UCHL5: variants seen among roughly 807,000 people sequenced by gnomAD.
The protein encoded by UCHL5 is ubiquitin carboxyl-terminal hydrolase isozyme L5.
Under a neutral mutation model 53.8 loss-of-function variants are expected in UCHL5, and 34 were observed. The observed-to-expected ratio is 0.63, with a 90% confidence interval of 0.48 to 0.84. UCHL5 has a LOEUF of 0.84. UCHL5 is among the 40% of genes least tolerant of loss of function. The probability of loss-of-function intolerance (pLI) is 0.00; values close to 1 mark genes in which losing one functional copy is unlikely to be tolerated. For synonymous variants in UCHL5, 111 were observed against 126.3 expected, an observed-to-expected ratio of 0.88 and a Z score of 0.81; for missense variants, 290 against 385.6, an observed-to-expected ratio of 0.75 and a Z score of 2.08.
At chr1:193,043,297 A>T (rs1472152745) in intron 3 of UCHL5, among the ~76,000 whole-genome samples, 1 of 151,860 alleles carries the variant, frequency 6.6e-6, no homozygotes, top group Non-Finnish European at 1.5e-5. Flanking sequence ...TGCTCTGCAC[A>T]GTTCAGCTAC....
intron 8 of UCHL5, among the ~76,000 whole-genome samples, chr1:193,023,586 C>T (rs1657974693): frequency 6.6e-6 from 1 of 152,136 alleles, no homozygotes; most frequent in South Asian, 2.1e-4. Context: ...ACTTCATTTA[C>T]TCCTCATGAC....
Position 193,028,462 on chromosome 1 carries a change from A to C in UCHL5, c.566-314T>G, listed in dbSNP as rs190604910. On this transcript the variant is annotated intron_variant, in intron 6 of 10. Coordinates refer to ENST00000367454, the MANE Select transcript of UCHL5 (RefSeq NM_001199261.3). Reference sequence around the variant, plus strand: ...TAATTTTTTTAAAATCTAAAAGTATAAAGTTTTATGAATAGCCTATAACAT... The same window carrying C: ...TAATTTTTTTAAAATCTAAAAGTATCAAGTTTTATGAATAGCCTATAACAT... 1.6e-4 allele frequency among the ~76,000 whole-genome samples: 24 copies of C among 152,302 alleles called. No homozygotes were observed. The East Asian group carries it at 4.0e-3, about 26-fold the overall frequency.
intron 3 of UCHL5, among the ~76,000 whole-genome samples, chr1:193,038,854 C>G (rs892288483): frequency 1.3e-5 from 2 of 150,560 alleles, no homozygotes; most frequent in Admixed American, 1.3e-4. Flanking sequence ...AAATTAGCCA[C>G]CTGTGCTAGT....
intron 3 of UCHL5, among the ~76,000 whole-genome samples, chr1:193,031,973 G>C (rs1422727735): frequency 6.6e-6 from 1 of 152,164 alleles, no homozygotes; most frequent in Non-Finnish European, 1.5e-5. Flanking sequence ...AATGAGGCTA[G>C]AGCAGAGGGT....
intron 3 of UCHL5, among the ~76,000 whole-genome samples, chr1:193,032,151 C>G (rs1661673760): frequency 6.6e-6 from 1 of 151,996 alleles, no homozygotes; most frequent in South Asian, 2.1e-4. Flanking sequence ...TTTGTAATCC[C>G]CAGACTAGAG....
At chr1:193,039,296 G>C (rs373204792) in intron 3 of UCHL5, among the ~76,000 whole-genome samples, 16 of 152,190 alleles carry the variant, frequency 1.1e-4, no homozygotes, top group African/African-American at 3.9e-4. Context: ...TGTAATCCCA[G>C]CTACTCAGGA....
At chr1:193,060,032 G>A (rs757291752), upstream of UCHL5, 1 of 1,348,084 alleles carries the variant, frequency 7.4e-7, no homozygotes, top group Admixed American at 1.9e-5. Context: ...AGCCGGGACC[G>A]CTCCTGCTTG....
chr1:193,022,661 G>A (rs1374685972), intron 9 of UCHL5, among the ~76,000 whole-genome samples: 4 of 118,572 alleles, frequency 3.4e-5, no homozygotes, highest in Non-Finnish European at 6.7e-5. Context: ...GCGAGACTCT[G>A]TCCAAAAAAA....
intron 2 of UCHL5, among the ~76,000 whole-genome samples, chr1:193,050,410 C>T (rs1257695763): frequency 6.6e-6 from 1 of 152,106 alleles, no homozygotes; most frequent in African/African-American, 2.4e-5. Flanking sequence ...CTATCTATCA[C>T]AACTGCCTCC....
At chr1:193,020,212 A>G in intron 10 of UCHL5, 1 of 1,398,380 alleles carries the variant, frequency 7.2e-7, no homozygotes, top group Non-Finnish European at 9.4e-7. Context: ...ATTAGCTCAC[A>G]TCTCATATTA....
At position 193,059,032 on chromosome 1, in the gene UCHL5, G is replaced by A. The variant is rs543589647; in HGVS notation, c.76+153C>T. On this transcript the variant is annotated intron_variant, in intron 1 of 10. Transcript: ENST00000367454. This position sits in a 1 kb window ranked among gnomAD's most constrained non-coding sequence, Gnocchi z 4.9. ...ACGCGACTGTCTCGAGCTGAGGAGA[G>A]GGCAGAACATCTACATTTCCCCCAC... 1.2e-3 allele frequency among the ~76,000 whole-genome samples: 185 copies of A among 152,318 alleles called. No individual in the cohort carries two copies. The highest frequency in any genetic ancestry group is 4.2e-3 in the African/African-American group (176 of 41,586).
chr1:193,041,769 T>C (rs1187951572), intron 3 of UCHL5, among the ~76,000 whole-genome samples: 1 of 152,134 alleles, frequency 6.6e-6, no homozygotes, highest in African/African-American at 2.4e-5. Context: ...TCATATAGCA[T>C]GCAAAATAAA....
chr1:193,041,163 A>G (rs2102675740), intron 3 of UCHL5, among the ~76,000 whole-genome samples: 1 of 152,344 alleles, frequency 6.6e-6, no homozygotes, highest in Admixed American at 6.5e-5. Context: ...TAGCATAAAG[A>G]CAAATATTTA....
At chr1:193,018,654 G>C in intron 10 of UCHL5, 1 of 1,261,068 alleles carries the variant, frequency 7.9e-7, no homozygotes. Context: ...AAAGATTTTA[G>C]GTCAAATACT....
At chr1:193,021,218 C>T in intron 9 of UCHL5, 23 bp from the exon 10 acceptor site, 1 of 1,434,758 alleles carries the variant, frequency 7.0e-7, no homozygotes, top group Non-Finnish European at 9.8e-7. Context: ...CATCAATCCA[C>T]ACTAACTACA....
chr1:193,037,087 C>G (rs1213459010), intron 3 of UCHL5, among the ~76,000 whole-genome samples: 1 of 151,194 alleles, frequency 6.6e-6, no homozygotes, highest in Non-Finnish European at 1.5e-5. Flanking sequence ...CCCCAAGGAA[C>G]TAGAAAAGCA....
chr1:193,027,633 C>T (rs1397131743), intron 7 of UCHL5, among the ~76,000 whole-genome samples: 2 of 151,986 alleles, frequency 1.3e-5, no homozygotes, highest in South Asian at 2.1e-4. Flanking sequence ...TGCAGTGAGC[C>T]GAGATTGTGC....
intron 2 of UCHL5, among the ~76,000 whole-genome samples, chr1:193,050,891 C>T (rs776556811): frequency 1.4e-4 from 21 of 152,144 alleles, no homozygotes; most frequent in Non-Finnish European, 2.1e-4. Flanking sequence ...TGAGTAGCTA[C>T]AACTACAGGC....
intron 3 of UCHL5, among the ~76,000 whole-genome samples, chr1:193,047,050 A>C (rs1667557262): frequency 6.6e-6 from 1 of 152,108 alleles, no homozygotes; most frequent in Non-Finnish European, 1.5e-5. Flanking sequence ...TTCATTTGTG[A>C]AATGAAGACA....
Sources: gnomAD v4.1 joint callset for allele counts (sites outside exome capture counted in the v4.1 genomes callset) on GRCh38, gnomAD v4.1.1 for gene constraint, Gnocchi (gnomAD v3.1) non-coding constraint, MANE v1.5 for transcripts, NCBI Gene and HGNC (gene_info 2026-07-23, HGNC 2026-07-21) for gene names.